NOX4: variants seen among roughly 807,000 people sequenced by gnomAD.
The protein encoded by NOX4 is NADPH oxidase 4.
In NOX4, 69 loss-of-function variants were observed where a neutral mutation model predicts 87.6. That is an observed-to-expected ratio of 0.79 (90% CI 0.65 to 0.96). The LOEUF (loss-of-function observed/expected upper bound fraction) is 0.96. NOX4 is among the 40% of genes least tolerant of loss of function. NOX4 has a pLI of 0.00. For synonymous variants in NOX4, 275 were observed against 238.2 expected, an observed-to-expected ratio of 1.15 and a Z score of -1.42; for missense variants, 680 against 681.5, an observed-to-expected ratio of 1.00 and a Z score of 0.02.
chr11:89,507,304 G>C, the NOX4 span, among the ~76,000 whole-genome samples: 1 of 151,676 alleles, frequency 6.6e-6, no homozygotes, highest in African/African-American at 2.4e-5. Flanking sequence ...CATAAATGCA[G>C]TTTGTGAGAT....
intron 12 of NOX4, among the ~76,000 whole-genome samples, chr11:89,372,094 T>C (rs1000262929): frequency 6.6e-6 from 1 of 151,266 alleles, no homozygotes; most frequent in Non-Finnish European, 1.5e-5. Flanking sequence ...CCTTCCCTGG[T>C]TTTTAGAGAT....
chr11:89,353,080 A>C (rs1396308687), intron 13 of NOX4, among the ~76,000 whole-genome samples: 3 of 152,204 alleles, frequency 2.0e-5, no homozygotes, highest in African/African-American at 7.2e-5. Flanking sequence ...CGGCTTCCCA[A>C]AGTGCTGGGA....
intron 11 of NOX4, among the ~76,000 whole-genome samples, chr11:89,382,405 T>C (rs951570190): frequency 3.3e-5 from 5 of 152,082 alleles, no homozygotes; most frequent in Admixed American, 6.5e-5. Flanking sequence ...AATTTCTCCA[T>C]TGTACAAGAT....
At chr11:89,444,290 G>A in intron 4 of NOX4, 58 bp from the exon 5 acceptor site, 1 of 1,407,864 alleles carries the variant, frequency 7.1e-7, no homozygotes, top group Non-Finnish European at 1.0e-6. Context: ...CTATGTCAAG[G>A]ACTCAGTTCT....
intron 9 of NOX4, among the ~76,000 whole-genome samples, chr11:89,401,435 T>C (rs1257733330): frequency 6.6e-6 from 1 of 152,042 alleles, no homozygotes; most frequent in Non-Finnish European, 1.5e-5. Flanking sequence ...GGATTATTAT[T>C]AATAATAATA....
At chr11:89,354,186 C>T (rs764715414) in intron 13 of NOX4, among the ~76,000 whole-genome samples, 2 of 152,090 alleles carry the variant, frequency 1.3e-5, no homozygotes, top group Admixed American at 6.6e-5. Flanking sequence ...AAGTTGATGG[C>T]CTTTCTTTTC....
the NOX4 span, among the ~76,000 whole-genome samples, chr11:89,536,411 G>C: frequency 6.6e-6 from 1 of 151,988 alleles, no homozygotes; most frequent in Non-Finnish European, 1.5e-5. Context: ...CTCCCAAAGT[G>C]CTGGGATTAC....
upstream of NOX4, chr11:89,491,498 C>T (rs1177471561): frequency 1.5e-5 from 7 of 478,404 alleles, no homozygotes; most frequent in Non-Finnish European, 2.6e-5. Context: ...TGCCCAGACG[C>T]CCAGCGCTCT....
the NOX4 span, among the ~76,000 whole-genome samples, chr11:89,547,350 C>G: frequency 6.6e-6 from 1 of 152,120 alleles, no homozygotes; most frequent in Non-Finnish European, 1.5e-5. Flanking sequence ...TGCTCTTTGT[C>G]AGCATCTAAA....
chr11:89,337,908 T>C (rs1190874955), intron 15 of NOX4, among the ~76,000 whole-genome samples: 2 of 152,020 alleles, frequency 1.3e-5, no homozygotes, highest in African/African-American at 2.4e-5. Context: ...AAAAAGACAA[T>C]AGTGATTTAA....
chr11:89,414,733 AAAGAAGCCATTT>A (rs1161821815), intron 8 of NOX4, among the ~76,000 whole-genome samples: 1 of 151,750 alleles, frequency 6.6e-6, no homozygotes, highest in African/African-American at 2.4e-5. Context: ...GCAGCACCAT[AAAGAAGCCATTT>A]TCTTCTTACT....
intron 16 of NOX4, 61 bp downstream of exon 16, chr11:89,337,386 C>T: frequency 5.0e-6 from 8 of 1,603,336 alleles, no homozygotes; most frequent in Non-Finnish European, 6.8e-6. Flanking sequence ...TCCACCACAG[C>T]TCCTACAGTA....
chr11:89,495,997 G>A (rs1383612125), upstream of NOX4, among the ~76,000 whole-genome samples: 1 of 152,126 alleles, frequency 6.6e-6, no homozygotes, highest in African/African-American at 2.4e-5. Context: ...GAATCCTAGA[G>A]GTTTGAGTAA....
the NOX4 span, among the ~76,000 whole-genome samples, chr11:89,534,433 C>A: frequency 6.6e-5 from 10 of 152,360 alleles, no homozygotes; most frequent in Admixed American, 5.9e-4. Flanking sequence ...TACTCCACAT[C>A]TTCTCTCTCC....
At chr11:89,494,154 T>A (rs1946922171), upstream of NOX4, among the ~76,000 whole-genome samples, 1 of 152,206 alleles carries the variant, frequency 6.6e-6, no homozygotes, top group Non-Finnish European at 1.5e-5. Context: ...ATCAGTATTT[T>A]AAATATTATA....
intron 7 of NOX4, among the ~76,000 whole-genome samples, chr11:89,424,557 T>C (rs189376028): frequency 3.9e-5 from 6 of 152,096 alleles, no homozygotes; most frequent in African/African-American, 1.4e-4. Context: ...CACTCTTGAG[T>C]ATAACCCCAA....
chr11:89,358,431 C>T (rs1442214842), intron 12 of NOX4, among the ~76,000 whole-genome samples: 1 of 146,084 alleles, frequency 6.8e-6, no homozygotes, highest in Non-Finnish European at 1.5e-5. Flanking sequence ...AGAAAGGGTT[C>T]ATATATACAT....
chr11:89,353,352 T>C (rs1937708631), intron 13 of NOX4, among the ~76,000 whole-genome samples: 1 of 152,142 alleles, frequency 6.6e-6, no homozygotes, highest in African/African-American at 2.4e-5. Context: ...TGCCCCTACC[T>C]TTAACAACCA....
intron 11 of NOX4, among the ~76,000 whole-genome samples, chr11:89,396,357 A>T (rs1280627978): frequency 2.0e-5 from 3 of 152,106 alleles, no homozygotes; most frequent in Non-Finnish European, 4.4e-5. Flanking sequence ...TTGATTTTGT[A>T]TCCTGAGACT....
Sources: gnomAD v4.1 joint callset for allele counts (sites outside exome capture counted in the v4.1 genomes callset) on GRCh38, gnomAD v4.1.1 for gene constraint, MANE v1.5 for transcripts, NCBI Gene and HGNC (gene_info 2026-07-23, HGNC 2026-07-21) for gene names.